SCARB1: variants seen among roughly 807,000 people sequenced by gnomAD.
SCARB1 encodes the protein scavenger receptor class B member 1.
SCARB1 carries 30 observed loss-of-function variants against 57.2 expected under a neutral mutation model. The observed-to-expected ratio is 0.52, with a 90% CI of 0.39 to 0.71. The LOEUF (loss-of-function observed/expected upper bound fraction) is 0.71, where lower values mean the gene tolerates loss of function less well. Ranked by LOEUF, SCARB1 falls within the 30% of genes least tolerant of loss-of-function variation. The pLI is 0.00. For missense variants in SCARB1, 543 were observed against 671.2 expected (o/e 0.81, Z 2.11); for synonymous variants, 249 against 268.3 (o/e 0.93, Z 0.70).
In SCARB1 at chr12:124,778,477, G is replaced by A; in HGVS notation, c.*110C>T. ...TGGCAGCTGGGAGGCTCAGGCTGTG[G>A]GGCTGGGGGGCTGTCCGCTGGGAGA... On this transcript the variant is annotated 3_prime_UTR_variant, in exon 13 of 13. Transcript: ENST00000261693. 1 of 1,343,832 alleles carries A rather than the reference G, an allele frequency of 7.4e-7. No homozygotes were observed. The highest frequency in any genetic ancestry group is 9.6e-7 in the Non-Finnish European group (1 of 1,045,138). 83.2% of individuals were successfully genotyped at this position (1,343,832 alleles called of 1,614,324 possible).
intron 1 of SCARB1, among the ~76,000 whole-genome samples, chr12:124,856,760 G>A (rs1253639787): frequency 6.6e-6 from 1 of 152,214 alleles, no homozygotes; most frequent in Non-Finnish European, 1.5e-5. Flanking sequence ...TTCCGCAGGG[G>A]GGCTGATAAA....
At chr12:124,801,152 C>T (rs1473490088) in intron 7 of SCARB1, among the ~76,000 whole-genome samples, 2 of 152,150 alleles carry the variant, frequency 1.3e-5, no homozygotes, top group South Asian at 2.1e-4. Flanking sequence ...TGAGCCGTGA[C>T]CGTGCCACTG....
intron 1 of SCARB1, among the ~76,000 whole-genome samples, chr12:124,842,574 C>G (rs577830031): frequency 6.6e-6 from 1 of 152,354 alleles, no homozygotes; most frequent in African/African-American, 2.4e-5. Context: ...ATCTGCACTC[C>G]CAAGCCACAG....
chr12:124,790,038 G>T (rs956402986), intron 9 of SCARB1, among the ~76,000 whole-genome samples: 1 of 150,488 alleles, frequency 6.6e-6, no homozygotes, highest in East Asian at 2.0e-4. Flanking sequence ...GAAGCAGGAG[G>T]TTAGAGGCAG....
rs868547510 is a variant in SCARB1 at position 124,858,873 on chromosome 12, C to T, written c.126+4722G>A. 1.4e-4 allele frequency among the ~76,000 whole-genome samples: 21 copies of T among 149,548 alleles called. 1 individual carries two copies. The highest frequency in any genetic ancestry group is 2.2e-4 in the Non-Finnish European group (15 of 67,524). On this transcript the variant is annotated intron_variant, in intron 1 of 12. Transcript: ENST00000261693. ...CAGCCTGGGCGACAGAGCCAGACTC[C>T]GTCTCAAAAAAAAAAAAAAGAGATG... is the stretch of plus-strand genomic sequence containing the variant.
intron 10 of SCARB1, 102 bp downstream of exon 10, chr12:124,787,304 A>T: frequency 9.4e-7 from 1 of 1,058,440 alleles, no homozygotes; most frequent in South Asian, 1.3e-5. Flanking sequence ...ACCCTGGCTC[A>T]GCCCTCTCCC....
At chr12:124,843,864 G>T (rs1386328231) in intron 1 of SCARB1, among the ~76,000 whole-genome samples, 1 of 152,160 alleles carries the variant, frequency 6.6e-6, no homozygotes, top group Non-Finnish European at 1.5e-5. Flanking sequence ...CCTCAGAAAA[G>T]CACATGAGAA....
chr12:124,834,000 G>A lies in SCARB1; in HGVS notation c.127-16293C>T, dbSNP rs756793109. Among the ~76,000 whole-genome samples, 30 of 152,360 alleles carry A rather than the reference G, an allele frequency of 2.0e-4. 1 individual carries two copies. The East Asian group carries it at 3.3e-3, about 17-fold the overall frequency. The stretch of plus-strand genomic sequence containing the variant: ...AGCCCTCTGGGCTGCGGACGTGCCC[G>A]TGCTGCCTGCACTGCCTCCTCGTGA... On this transcript the variant is annotated intron_variant, in intron 1 of 12. Coordinates refer to ENST00000261693, the MANE Select transcript of SCARB1 (RefSeq NM_005505.5).
At chr12:124,850,715 A>C (rs1952359361) in intron 1 of SCARB1, among the ~76,000 whole-genome samples, 1 of 152,224 alleles carries the variant, frequency 6.6e-6, no homozygotes, top group Non-Finnish European at 1.5e-5. Context: ...TACATAATAA[A>C]CAGCTGGTAA....
At chr12:124,790,270 C>T (rs1044590922) in intron 9 of SCARB1, among the ~76,000 whole-genome samples, 2 of 152,052 alleles carry the variant, frequency 1.3e-5, no homozygotes, top group Non-Finnish European at 2.9e-5. Flanking sequence ...CCCAGCTACT[C>T]AGGAGGCTCA....
At position 124,800,124 on chromosome 12, in the gene SCARB1, C is replaced by T. The variant is rs1156272865; in HGVS notation, c.1128G>A (p.Pro376=). Residue 376 remains proline, a splice_region_variant and synonymous_variant, in exon 8 of 13, where the codon CCG becomes CCA. Transcript: ENST00000261693. This position sits in a 1 kb window ranked among gnomAD's most constrained non-coding sequence, Gnocchi z 4.8. ...EAHSLFLDIH[P]VTGIPMNCSV... ...CCCACAGAGGATGGCAGGGGCTCAC[C>T]GGGTGGATGTCCAGGAACAAGGAGT... is the stretch of plus-strand genomic sequence containing the variant. The T allele has an allele frequency of 3.7e-6, 6 of 1,609,484 alleles. No individual in the cohort carries two copies. Among genetic ancestry groups the T allele is most frequent in the South Asian group, 1.1e-5 (1 of 90,964 alleles).
chr12:124,800,201 C>T lies in SCARB1; in HGVS notation c.1051G>A (p.Asp351Asn), dbSNP rs753772380. The T allele has an allele frequency of 2.2e-5, 36 of 1,613,970 alleles. No individual in the cohort carries two copies. Among genetic ancestry groups the T allele is most frequent in the Middle Eastern group, 3.3e-4 (2 of 6,058 alleles). ...FLSHPHFLNA[D>N]PVLAEAVTGL... ...GTCACCGCTTCTGCCAGAACCGGGT[C>T]AGCGTTGAGGAAGTGAGGATGGGAG... The change falls in exon 8 of 13, where the codon GAC (aspartate) becomes AAC (asparagine). Residue 351 changes from aspartate (D) to asparagine (N), a missense_variant. Transcript: ENST00000261693. This position sits in a 1 kb window ranked among gnomAD's most constrained non-coding sequence, Gnocchi z 4.8.
Position 124,777,003 on chromosome 12 carries a change from T to C in SCARB1, c.*1584A>G, listed in dbSNP as rs1426596994. 1.3e-5 allele frequency: 2 copies of C among 152,252 alleles called. No homozygotes were observed. The highest frequency in any genetic ancestry group is 3.4e-3 in the Middle Eastern group (1 of 294). The allele number at this position is 152,252 out of a possible 1,614,324, so 9.4% of individuals were successfully genotyped here. ...AAGTTTAAGGGGAAAAGGGCTAACA[T>C]TTCTGACCATAAAAGAGCTTGTTCG... On this transcript the variant is annotated 3_prime_UTR_variant, in exon 13 of 13. Coordinates refer to ENST00000261693, the MANE Select transcript of SCARB1 (RefSeq NM_005505.5).
chr12:124,787,305 G>A (rs1482285032), intron 10 of SCARB1, 101 bp downstream of exon 10: 11 of 1,080,488 alleles, frequency 1.0e-5, no homozygotes. Flanking sequence ...CCCTGGCTCA[G>A]CCCTCTCCCT....
At chr12:124,805,990 G>A (rs1356850816) in intron 7 of SCARB1, among the ~76,000 whole-genome samples, 2 of 152,108 alleles carry the variant, frequency 1.3e-5, no homozygotes, top group Admixed American at 1.3e-4. Context: ...TGGCTTATGA[G>A]CATTTAACTT....
At position 124,800,851 on chromosome 12, in the gene SCARB1, C is replaced by G. The variant is rs550098200; in HGVS notation, c.1010-609G>C. ...AACCAGGCAAACACCAGCTCACCCT[C>G]GGGACAATGGACAACAGGCCTGAAG... On this transcript the variant is annotated intron_variant, in intron 7 of 12. Coordinates refer to ENST00000261693, the MANE Select transcript of SCARB1 (RefSeq NM_005505.5). The surrounding 1 kb of genome is among the most constrained non-coding windows in gnomAD (Gnocchi z 4.8). Among the ~76,000 whole-genome samples the G allele has an allele frequency of 6.6e-6, 1 of 152,266 alleles. No homozygotes were observed. The highest frequency in any genetic ancestry group is 1.9e-4 in the East Asian group (1 of 5,176).
intron 12 of SCARB1, among the ~76,000 whole-genome samples, chr12:124,780,739 G>A (rs1873284020): frequency 6.6e-6 from 1 of 152,224 alleles, no homozygotes; most frequent in Non-Finnish European, 1.5e-5. Flanking sequence ...AGTTTTGTTT[G>A]GGGGGCAGAT....
chr12:124,805,725 ATTTTTTTTTTTT>A (rs755476758), intron 7 of SCARB1, among the ~76,000 whole-genome samples: 7 of 79,572 alleles, frequency 8.8e-5, no homozygotes, highest in African/African-American at 1.4e-4. Flanking sequence ...TGCCTAGCTA[ATTTTTTTTTTTT>A]TTTTTTTTTT....
chr12:124,849,511 A>C (rs1952302022), intron 1 of SCARB1, among the ~76,000 whole-genome samples: 1 of 152,188 alleles, frequency 6.6e-6, no homozygotes. Context: ...CTGCCTGAAG[A>C]ACATTCGTTA....
Sources: gnomAD v4.1 joint callset for allele counts (sites outside exome capture counted in the v4.1 genomes callset) on GRCh38, gnomAD v4.1.1 for gene constraint, Gnocchi (gnomAD v3.1) non-coding constraint, MANE v1.5 for transcripts, NCBI Gene and HGNC (gene_info 2026-07-23, HGNC 2026-07-21) for gene names.